The following GCN1 variants were observed in gnomAD, a reference collection of about 807,000 sequenced individuals.
GCN1 encodes GCN1 activator of EIF2AK4, also known as stalled ribosome sensor GCN1.
A neutral mutation model predicts 288.4 loss-of-function variants in GCN1; 90 were observed. That is an observed-to-expected ratio of 0.31 (90% CI 0.26 to 0.37). The LOEUF is 0.37. Among genes scored for constraint, GCN1 ranks in the 10% least tolerant of loss-of-function variants. GCN1 has a pLI of 1.00. For synonymous variants in GCN1, 1,386 were observed against 1,420.2 expected (o/e 0.98, Z 0.54); for missense variants, 2,586 against 3,419.9 (o/e 0.76, Z 6.08).
chr12:120,144,447 G>C lies in GCN1; in HGVS notation c.5354C>G (p.Ala1785Gly). The change falls in exon 42 of 58, where the codon GCT becomes GGT. Residue 1785 changes from alanine (A) to glycine (G), a missense_variant and splice_region_variant. By Grantham distance (60) the Ala-to-Gly change is moderately conservative. This residue lies in a region of GCN1 where 371 missense variants were observed against 572.6 expected (regional missense o/e 0.65). Transcript: ENST00000300648. The surrounding 1 kb of genome is among the most constrained non-coding windows in gnomAD (Gnocchi z 4.7). ...CACAAACTCATTCTCATCAGCAAGA[G>C]CCTGGGCACACAGAGGGTGGGTCAG... ...VGPIIPCILKALADENEFVRD... is the reference protein window; with the variant it reads ...VGPIIPCILKGLADENEFVRD... 6.2e-7 allele frequency: 1 copy of C among 1,612,108 alleles called. No individual in the cohort carries two copies. Among genetic ancestry groups the C allele is most frequent in the Non-Finnish European group, 8.5e-7 (1 of 1,178,618 alleles).
chr12:120,129,147 A>C, intron 57 of GCN1, 129 bp downstream of exon 57: 1 of 799,704 alleles, frequency 1.3e-6, no homozygotes, highest in Non-Finnish European at 2.1e-6. Context: ...CCAAATCTTA[A>C]TCTGCTCCTG....
At chr12:120,166,134 G>A (rs932997331) in intron 16 of GCN1, among the ~76,000 whole-genome samples, 4 of 150,990 alleles carry the variant, frequency 2.6e-5, no homozygotes, top group Non-Finnish European at 5.9e-5. Context: ...CAGGCACAGT[G>A]GCTCACGCCT....
At chr12:120,182,102 T>C (rs903431717) in intron 5 of GCN1, among the ~76,000 whole-genome samples, 8 of 151,734 alleles carry the variant, frequency 5.3e-5, no homozygotes, top group Middle Eastern at 3.4e-3. Flanking sequence ...TGAGCCGAGA[T>C]TGCGCCACTG....
Position 120,158,053 on chromosome 12 carries a change from A to C in GCN1, c.2906-23T>G, listed in dbSNP as rs752165375. 6.2e-7 allele frequency: 1 copy of C among 1,610,830 alleles called. No individual in the cohort carries two copies. Among genetic ancestry groups the C allele is most frequent in the African/African-American group, 1.3e-5 (1 of 75,026 alleles). On this transcript the variant is annotated intron_variant, in intron 25 of 57. Transcript: ENST00000300648. The surrounding 1 kb of genome is among the most constrained non-coding windows in gnomAD (Gnocchi z 4.3). Reference sequence around the variant, plus strand: ...CACCTGTGAGAGCGAGAAGCAGATAAGATTCTGCAGGCAGGGCAGGGACCC... The same window carrying C: ...CACCTGTGAGAGCGAGAAGCAGATACGATTCTGCAGGCAGGGCAGGGACCC...
chr12:120,173,174 A>G (rs936557707), intron 14 of GCN1, among the ~76,000 whole-genome samples: 1 of 149,514 alleles, frequency 6.7e-6, no homozygotes, highest in Non-Finnish European at 1.5e-5. Flanking sequence ...TCCCTGCCTC[A>G]GCCTCCCACG....
Position 120,149,993 on chromosome 12 carries a change from C to G in GCN1, c.4360G>C (p.Glu1454Gln). 1 of 1,614,042 alleles carries G rather than the reference C, an allele frequency of 6.2e-7. No individual in the cohort carries two copies. Among genetic ancestry groups the G allele is most frequent in the Non-Finnish European group, 8.5e-7 (1 of 1,180,006 alleles). The change falls in exon 35 of 58, where the codon GAG (glutamate) becomes CAG (glutamine). Residue 1454 changes from glutamate (E) to glutamine (Q), a missense_variant. This residue lies in a region of GCN1 where 371 missense variants were observed against 572.6 expected (regional missense o/e 0.65). Transcript: ENST00000300648. ...MLCTMLGKLF[E>Q]PYVVHVLPHL... is the part of the protein sequence containing the mutation. ...GGCAGCACGTGAACCACATACGGCT[C>G]AAAAAGTTTCCCCAGCATGGTGCAG...
At chr12:120,175,290 T>C in intron 11 of GCN1, 78 bp from the exon 12 acceptor site, 4 of 1,263,234 alleles carry the variant, frequency 3.2e-6, no homozygotes, top group South Asian at 2.4e-5. Flanking sequence ...GTCACGTGTG[T>C]GATGCCACGA....
Position 120,139,021 on chromosome 12 carries a change from G to A in GCN1, c.5995-165C>T, listed in dbSNP as rs983122708. On this transcript the variant is annotated intron_variant, in intron 45 of 57. Coordinates refer to ENST00000300648, the MANE Select transcript of GCN1 (RefSeq NM_006836.2). ...CTTTACTGTGAAATAAAAAAAAGGA[G>A]AGAAGGGGCCGGGCACGGTGGCTCA... The A allele has an allele frequency of 3.3e-5, 19 of 578,742 alleles. No homozygotes were observed. In the African/African-American group the frequency reaches 3.4e-4, roughly 10 times the overall value. The allele number at this position is 578,742 out of a possible 1,614,324, so 35.9% of individuals were successfully genotyped here.
At chr12:120,159,775 A>C in intron 24 of GCN1, 50 bp downstream of exon 24, 1 of 1,505,828 alleles carries the variant, frequency 6.6e-7, no homozygotes, top group African/African-American at 1.4e-5. Flanking sequence ...CTGTCCAAGC[A>C]CTCAGGGGCA....
chr12:120,136,919 A>G (rs1877023441), intron 50 of GCN1, among the ~76,000 whole-genome samples, 187 bp from the exon 51 acceptor site: 1 of 152,204 alleles, frequency 6.6e-6, no homozygotes, highest in African/African-American at 2.4e-5. Context: ...AGAAAAGACG[A>G]CAAGGGCCCC....
chr12:120,190,834 C>T (rs922719663), intron 1 of GCN1, among the ~76,000 whole-genome samples: 1 of 152,178 alleles, frequency 6.6e-6, no homozygotes, highest in Non-Finnish European at 1.5e-5. Context: ...ACTATGTTCC[C>T]TTTACATTAT....
intron 5 of GCN1, among the ~76,000 whole-genome samples, chr12:120,180,884 G>A (rs1020377697): frequency 5.9e-5 from 9 of 151,938 alleles, no homozygotes; most frequent in Non-Finnish European, 8.8e-5. Context: ...CAGCTACTCG[G>A]GAGGCTGAGG....
chr12:120,136,470 C>G (rs1877006791), intron 51 of GCN1, 32 bp downstream of exon 51: 2 of 1,527,754 alleles, frequency 1.3e-6, no homozygotes, highest in South Asian at 2.2e-5. Context: ...GACCTGTTCT[C>G]TAAGATCTGA....
rs1049810185 is a variant in GCN1, at chr12:120,134,561, T to G, written c.7174A>C (p.Ile2392Leu). Residue 2392 changes from isoleucine (I) to leucine (L), a missense_variant, in exon 52 of 58, where the codon ATC (isoleucine) becomes CTC (leucine). Physicochemically the swap from Ile to Leu is conservative, Grantham distance 5 (BLOSUM62 2). Around this residue, in one of 8 missense-constraint regions of GCN1, gnomAD observed 355 missense variants for 431.1 expected, o/e 0.82. Transcript: ENST00000300648. This position sits in a 1 kb window ranked among gnomAD's most constrained non-coding sequence, Gnocchi z 5.0. Reference protein sequence around the residue: ...DPLFTELLNGIRAMEDPGVRD... With the variant: ...DPLFTELLNGLRAMEDPGVRD... ...ACACCTGGGTCCTCCATGGCGCGGA[T>G]GCCATTGAGCAGCTCTGTGAAGAGG... 3 of 1,613,988 alleles carry G rather than the reference T, an allele frequency of 1.9e-6. No individual in the cohort carries two copies. In the African/African-American group the frequency reaches 4.0e-5, roughly 22 times the overall value.
intron 11 of GCN1, among the ~76,000 whole-genome samples, chr12:120,175,519 A>G (rs890324781): frequency 1.4e-4 from 21 of 152,240 alleles, no homozygotes; most frequent in African/African-American, 4.8e-4. Flanking sequence ...TGCTATGCCT[A>G]CAAAAATGTG....
chr12:120,129,068 A>G (rs981144334), intron 57 of GCN1, among the ~76,000 whole-genome samples: 2 of 151,736 alleles, frequency 1.3e-5, no homozygotes, highest in Non-Finnish European at 2.9e-5. Flanking sequence ...TGACTTGGTG[A>G]TCTGCCCGCC....
At position 120,144,305 on chromosome 12, in the gene GCN1, C is replaced by T; in HGVS notation, c.5495+1G>A. Reference sequence around the variant, plus strand: ...CTGGGTCTTTCTGCCCAAGTTCTCACCTGATTCTCCAAAGGTCATCAAAGA... The same window carrying T: ...CTGGGTCTTTCTGCCCAAGTTCTCATCTGATTCTCCAAAGGTCATCAAAGA... On this transcript the variant is annotated splice_donor_variant, in intron 42 of 57. Transcript: ENST00000300648. LOFTEE classifies it high-confidence loss of function. The surrounding 1 kb of genome is among the most constrained non-coding windows in gnomAD (Gnocchi z 4.7). The T allele has an allele frequency of 6.2e-7, 1 of 1,614,216 alleles. No individual in the cohort carries two copies. Among genetic ancestry groups the T allele is most frequent in the Admixed American group, 1.7e-5 (1 of 60,022 alleles).
In GCN1 at chr12:120,137,251, G is replaced by A. The variant is rs73412805; in HGVS notation, c.6732C>T (p.Asn2244=). The part of the protein sequence containing the change: ...ELHKEIRLIG[N]ESKGEHVPGF... ...CTGGCACATGCTCGCCTTTGCTCTC[G>A]TTCCCTATGAGCCGGATTTCCTTGT... Residue 2244 remains asparagine (N), a synonymous_variant, in exon 50 of 58, where the codon AAC becomes AAT. Transcript: ENST00000300648. The surrounding 1 kb of genome is among the most constrained non-coding windows in gnomAD (Gnocchi z 5.2). 4.8e-4 allele frequency: 781 copies of A among 1,614,132 alleles called. 4 individuals carry two copies. In the African/African-American group the frequency reaches 8.1e-3, roughly 17 times the overall value.
In GCN1 at chr12:120,155,115, A is replaced by AACTAGCC. The variant is rs1877698669; in HGVS notation, c.3631-82_3631-76dup. 1 of 1,525,588 alleles carries AACTAGCC rather than the reference A, an allele frequency of 6.6e-7. No homozygotes were observed. The highest frequency in any genetic ancestry group is 9.1e-7 in the Non-Finnish European group (1 of 1,099,618). The allele number at this position is 1,525,588 out of a possible 1,614,324, so 94.5% of individuals were successfully genotyped here. On this transcript the variant is annotated intron_variant, in intron 30 of 57. Coordinates refer to ENST00000300648, the MANE Select transcript of GCN1 (RefSeq NM_006836.2). The surrounding 1 kb of genome is among the most constrained non-coding windows in gnomAD (Gnocchi z 4.9). The stretch of plus-strand genomic sequence containing the variant: ...TGGGCACCAGGATTGTGAGGCAGGA[A>AACTAGCC]ACTAGCCGCAGCTACCCTGAGCCAC...
Sources: allele counts gnomAD v4.1 joint callset (sites outside exome capture counted in the v4.1 genomes callset), GRCh38; gene constraint gnomAD v4.1.1; regional missense constraint gnomAD v4.1.1; non-coding constraint Gnocchi (gnomAD v3.1); transcripts MANE v1.5; gene names NCBI Gene and HGNC (gene_info 2026-07-23, HGNC 2026-07-21).